Variants in SIL1 observed in about 807,000 individuals in gnomAD.
SIL1 encodes nucleotide exchange factor SIL1.
Under a neutral mutation model 49.1 loss-of-function variants are expected in SIL1, and 40 were observed. The ratio of observed to expected loss-of-function variants is 0.81; its 90% CI spans 0.63 to 1.06. The LOEUF (loss-of-function observed/expected upper bound fraction) is 1.06, where lower values mean the gene tolerates loss of function less well. Among genes scored for constraint, SIL1 ranks in the 50% least tolerant of loss-of-function variants. The probability of loss-of-function intolerance (pLI) is 0.00; values close to 1 mark genes in which losing one functional copy is unlikely to be tolerated. For synonymous variants in SIL1, 253 were observed against 250.8 expected, an observed-to-expected ratio of 1.01 and a Z score of -0.08; for missense variants, 500 against 572.6, an observed-to-expected ratio of 0.87 and a Z score of 1.29.
intron 3 of SIL1, among the ~76,000 whole-genome samples, chr5:139,051,902 A>T (rs985783646): frequency 6.6e-6 from 1 of 152,248 alleles, no homozygotes; most frequent in South Asian, 2.1e-4. Context: ...TCATTCATTC[A>T]TGAAACTGCT....
chr5:138,954,221 G>T (rs936553733), intron 7 of SIL1, among the ~76,000 whole-genome samples: 1 of 152,188 alleles, frequency 6.6e-6, no homozygotes, highest in Non-Finnish European at 1.5e-5. Context: ...TAAGTAAATC[G>T]GAGAGAAAAG....
intron 5 of SIL1, chr5:139,036,079 T>C (rs996661928): frequency 6.6e-6 from 1 of 152,212 alleles, no homozygotes; most frequent in Non-Finnish European, 1.5e-5. Context: ...GTTGGATGCA[T>C]AGTTTGCAAA....
intron 1 of SIL1, among the ~76,000 whole-genome samples, chr5:139,175,799 C>CCATGTTTG (rs2151817486): frequency 6.6e-6 from 1 of 152,248 alleles, no homozygotes; most frequent in South Asian, 2.1e-4. Context: ...CCCGTCTCTA[C>CCATGTTTG]TAAAAATACA....
chr5:139,196,160 G>A (rs935501382), intron 1 of SIL1, among the ~76,000 whole-genome samples: 40 of 151,950 alleles, frequency 2.6e-4, no homozygotes, highest in Non-Finnish European at 4.3e-4. Flanking sequence ...ACTGCACTCC[G>A]GCCTGAACCA....
Position 138,947,384 on chromosome 5 carries a change from C to A in SIL1, c.1119G>T (p.Leu373=). ...TGATCTCGCACCAGCCCTGTTCCCACAGGCCTGGCAGGAGGTGTACCTGGC... is the reference window on the plus strand; with the variant it reads ...TGATCTCGCACCAGCCCTGTTCCCAAAGGCCTGGCAGGAGGTGTACCTGGC... ...QYRQVHLLPG[L]WEQGWCEITA... Residue 373 remains leucine (L), a synonymous_variant, in exon 10 of 10, where the codon CTG becomes CTT. Transcript: ENST00000394817. This position sits in a 1 kb window ranked among gnomAD's most constrained non-coding sequence, Gnocchi z 4.1. 6.2e-7 allele frequency: 1 copy of A among 1,613,756 alleles called. No homozygotes were observed. The highest frequency in any genetic ancestry group is 8.5e-7 in the Non-Finnish European group (1 of 1,180,040).
intron 3 of SIL1, among the ~76,000 whole-genome samples, chr5:139,056,527 G>A (rs1321873951): frequency 2.7e-5 from 4 of 149,068 alleles, no homozygotes; most frequent in Admixed American, 6.6e-5. Context: ...CAGGCCAGCC[G>A]CCCCGTCCGG....
chr5:139,183,003 G>A (rs1752018348), intron 1 of SIL1, among the ~76,000 whole-genome samples: 1 of 152,202 alleles, frequency 6.6e-6, no homozygotes, highest in African/African-American at 2.4e-5. Context: ...ATTGGAGTTA[G>A]TTAACTGGAA....
chr5:139,107,653 T>C (rs1260609865), intron 3 of SIL1, among the ~76,000 whole-genome samples: 1 of 152,192 alleles, frequency 6.6e-6, no homozygotes, highest in African/African-American at 2.4e-5. Context: ...AGTTCCTCAG[T>C]CTTTGTCTTT....
chr5:139,142,830 G>A (rs1274268043), intron 1 of SIL1, among the ~76,000 whole-genome samples: 1 of 151,868 alleles, frequency 6.6e-6, no homozygotes, highest in Admixed American at 6.6e-5. Context: ...GTGCAGTGGC[G>A]CGATCTCGGT....
At chr5:139,072,997 C>G (rs1287158820) in intron 3 of SIL1, among the ~76,000 whole-genome samples, 1 of 152,080 alleles carries the variant, frequency 6.6e-6, no homozygotes, top group African/African-American at 2.4e-5. Flanking sequence ...AAATTAAAAT[C>G]ACAATGAAGT....
intron 3 of SIL1, among the ~76,000 whole-genome samples, chr5:139,076,811 CA>C (rs1258920024): frequency 7.2e-5 from 11 of 152,128 alleles, no homozygotes; most frequent in South Asian, 2.1e-4. Flanking sequence ...AACTGAGCAA[CA>C]AAAGAGTCAC....
chr5:139,059,989 A>G (rs1016192382), intron 3 of SIL1, among the ~76,000 whole-genome samples: 1 of 152,242 alleles, frequency 6.6e-6, no homozygotes, highest in African/African-American at 2.4e-5. Context: ...TACAGCATGT[A>G]TGTACAGTTC....
At chr5:139,178,514 C>T (rs1366150739) in intron 1 of SIL1, among the ~76,000 whole-genome samples, 8 of 152,246 alleles carry the variant, frequency 5.3e-5, no homozygotes, top group African/African-American at 9.6e-5. Context: ...TCCAACCATA[C>T]TTTCAGTTCC....
chr5:139,026,429 C>G (rs1052190489), intron 6 of SIL1, among the ~76,000 whole-genome samples: 3 of 152,080 alleles, frequency 2.0e-5, no homozygotes, highest in African/African-American at 7.2e-5. Context: ...TAGTGAAACC[C>G]TATCTCTATC....
intron 3 of SIL1, among the ~76,000 whole-genome samples, chr5:139,068,508 G>T (rs1581074951): frequency 6.6e-6 from 1 of 152,100 alleles, no homozygotes; most frequent in Non-Finnish European, 1.5e-5. Context: ...AGACTTGGAC[G>T]ACAGAAATAA....
rs147943156 is a variant in SIL1 at position 139,148,489 on chromosome 5, A to G, written c.-10-20636T>C. 2.8e-3 allele frequency among the ~76,000 whole-genome samples: 429 copies of G among 152,240 alleles called. 3 individuals carry two copies. Among genetic ancestry groups the G allele is most frequent in the Middle Eastern group, 6.8e-3 (2 of 294 alleles). On this transcript the variant is annotated intron_variant, in intron 1 of 9. Coordinates refer to ENST00000394817, the MANE Select transcript of SIL1 (RefSeq NM_022464.5). ...CCAGCCAGCCTTCTCACCAAACCAG[A>G]TTTGCTGTAAGGGGATGACATGCCA...
At chr5:138,984,396 T>C (rs372671319) in intron 7 of SIL1, among the ~76,000 whole-genome samples, 3 of 150,166 alleles carry the variant, frequency 2.0e-5, no homozygotes, top group East Asian at 3.9e-4. Flanking sequence ...GGAGACTCTG[T>C]CACCCAGGCT....
At chr5:138,973,444 TCAGAGGTAAGAG>T (rs1165379944) in intron 7 of SIL1, among the ~76,000 whole-genome samples, 1 of 151,988 alleles carries the variant, frequency 6.6e-6, no homozygotes, top group African/African-American at 2.4e-5. Context: ...TCTCAGACCA[TCAGAGGTAAGAG>T]CAGAGTTTTT....
chr5:139,085,961 C>G (rs900041776), intron 3 of SIL1, among the ~76,000 whole-genome samples: 1 of 152,086 alleles, frequency 6.6e-6, no homozygotes, highest in African/African-American at 2.4e-5. Context: ...AGTGAAACAA[C>G]AGATGTAGAA....
Sources: gnomAD v4.1 joint callset for allele counts (sites outside exome capture counted in the v4.1 genomes callset) on GRCh38, gnomAD v4.1.1 for gene constraint, Gnocchi (gnomAD v3.1) non-coding constraint, MANE v1.5 for transcripts, NCBI Gene and HGNC (gene_info 2026-07-23, HGNC 2026-07-21) for gene names.